NAALADL2: variants seen among roughly 807,000 people sequenced by gnomAD.
The protein encoded by NAALADL2 is N-acetylated alpha-linked acidic dipeptidase like 2, also known as inactive N-acetylated-alpha-linked acidic dipeptidase-like protein 2.
Under a neutral mutation model 87.2 loss-of-function variants are expected in NAALADL2, and 76 were observed. The ratio of observed to expected loss-of-function variants is 0.87; its 90% CI spans 0.72 to 1.05. NAALADL2 has a LOEUF of 1.05. NAALADL2 is among the 50% of genes least tolerant of loss of function. The probability of loss-of-function intolerance (pLI) is 0.00; values close to 1 mark genes in which losing one functional copy is unlikely to be tolerated. For synonymous variants in NAALADL2, 354 were observed against 331.0 expected, an observed-to-expected ratio of 1.07 and a Z score of -0.75; for missense variants, 1,089 against 945.8, an observed-to-expected ratio of 1.15 and a Z score of -1.99.
chr3:174,816,421 T>TAC (rs1720823715), intron 3 of NAALADL2, among the ~76,000 whole-genome samples: 3 of 150,000 alleles, frequency 2.0e-5, no homozygotes, highest in African/African-American at 4.9e-5. Context: ...TGCGTGTGTG[T>TAC]GTGTGTGTGT....
At chr3:175,032,138 T>G (rs1752868762) in intron 1 of NAALADL2, among the ~76,000 whole-genome samples, 1 of 152,030 alleles carries the variant, frequency 6.6e-6, no homozygotes, top group South Asian at 2.1e-4. Flanking sequence ...CTTATCAATT[T>G]TTATTTTTAT....
At chr3:174,647,363 A>G (rs1040137454) in intron 2 of NAALADL2, among the ~76,000 whole-genome samples, 1 of 152,210 alleles carries the variant, frequency 6.6e-6, no homozygotes, top group Admixed American at 6.5e-5. Flanking sequence ...GAATGAATGT[A>G]TATGAGCGAA....
At chr3:174,801,086 G>A (rs758550298) in intron 3 of NAALADL2, among the ~76,000 whole-genome samples, 44 of 152,184 alleles carry the variant, frequency 2.9e-4, no homozygotes, top group Non-Finnish European at 6.2e-4. Context: ...TTGAGTTAAT[G>A]CTGAAATGAG....
chr3:175,141,929 A>G (rs1221400172), intron 2 of NAALADL2, among the ~76,000 whole-genome samples: 1 of 152,124 alleles, frequency 6.6e-6, no homozygotes, highest in Non-Finnish European at 1.5e-5. Flanking sequence ...AGCATCTCTC[A>G]CAGAACATTT....
intron 2 of NAALADL2, among the ~76,000 whole-genome samples, chr3:174,617,654 C>T (rs1303959241): frequency 1.3e-5 from 2 of 151,514 alleles, no homozygotes; most frequent in African/African-American, 4.8e-5. Context: ...CATTTTTCTT[C>T]TATGATAGAT....
chr3:175,611,216 T>C (rs1724603802), intron 10 of NAALADL2, among the ~76,000 whole-genome samples: 1 of 152,116 alleles, frequency 6.6e-6, no homozygotes, highest in African/African-American at 2.4e-5. Context: ...TGTGGTACTT[T>C]GATTAAGGCA....
intron 13 of NAALADL2, among the ~76,000 whole-genome samples, chr3:175,793,325 T>C (rs1285424799): frequency 3.8e-4 from 54 of 142,590 alleles, no homozygotes; most frequent in African/African-American, 7.0e-4. Context: ...TTTTTTTTTT[T>C]CGAGACGGAG....
At chr3:175,398,926 A>G (rs1286596786) in intron 5 of NAALADL2, among the ~76,000 whole-genome samples, 3 of 152,046 alleles carry the variant, frequency 2.0e-5, no homozygotes, top group African/African-American at 7.2e-5. Context: ...AAGCAAAAAC[A>G]AGTTTATTAA....
intron 11 of NAALADL2, among the ~76,000 whole-genome samples, chr3:175,703,732 G>C (rs1475016787): frequency 6.6e-6 from 1 of 152,078 alleles, no homozygotes; most frequent in African/African-American, 2.4e-5. Context: ...GACAGAGCGA[G>C]ACTCCATCTC....
At chr3:174,468,841 C>T (rs949748876) in intron 1 of NAALADL2, among the ~76,000 whole-genome samples, 2 of 150,840 alleles carry the variant, frequency 1.3e-5, no homozygotes, top group Non-Finnish European at 2.9e-5. Context: ...AGGCTCACTG[C>T]AGTCTCCGCC....
intron 2 of NAALADL2, among the ~76,000 whole-genome samples, chr3:175,204,150 A>G (rs1740478990): frequency 6.6e-6 from 1 of 152,188 alleles, no homozygotes; most frequent in African/African-American, 2.4e-5. Context: ...CAAAAAAGAA[A>G]ACTACAGACC....
intron 5 of NAALADL2, among the ~76,000 whole-genome samples, chr3:175,396,547 T>C (rs1769813232): frequency 6.6e-6 from 1 of 152,130 alleles, no homozygotes; most frequent in Admixed American, 6.5e-5. Context: ...GATTTTTTTT[T>C]TCCTTGCATT....
In NAALADL2 at chr3:174,502,431, G is replaced by A. The variant is rs564547346; in HGVS notation, c.-183-48138G>A. On this transcript the variant is annotated intron_variant, in intron 1 of 3. Transcript: ENST00000434257. ...CCTGCAGTACTTCTACTCTTGAAAG[G>A]CATCATTCTCATTTAATAGCTCTGT... Among the ~76,000 whole-genome samples, 6 of 152,118 alleles carry A rather than the reference G, an allele frequency of 3.9e-5. No individual in the cohort carries two copies. In the South Asian group the frequency reaches 1.2e-3, roughly 32 times the overall value.
chr3:174,890,533 G>T (rs1730737432), intron 1 of NAALADL2, among the ~76,000 whole-genome samples: 1 of 152,140 alleles, frequency 6.6e-6, no homozygotes, highest in Non-Finnish European at 1.5e-5. Context: ...AAGAAATACA[G>T]ACAGAACAAT....
At position 174,873,082 on chromosome 3, in the gene NAALADL2, T is replaced by A. The variant is rs542044980; in HGVS notation, c.43+13632T>A. The stretch of plus-strand genomic sequence containing the variant: ...AGTTAAATCCAGTGGTTAAAGAATC[T>A]GTTGAGCATTTCGTGTATGTAATTC... On this transcript the variant is annotated intron_variant, in intron 1 of 13. Coordinates refer to ENST00000454872, the MANE Select transcript of NAALADL2 (RefSeq NM_207015.3). 3.3e-4 allele frequency among the ~76,000 whole-genome samples: 51 copies of A among 152,304 alleles called. No individual in the cohort carries two copies. In the South Asian group the frequency reaches 5.6e-3, roughly 17 times the overall value.
chr3:175,457,874 T>A (rs1315004341), intron 6 of NAALADL2, among the ~76,000 whole-genome samples: 1 of 151,994 alleles, frequency 6.6e-6, no homozygotes, highest in Non-Finnish European at 1.5e-5. Flanking sequence ...TTTTCCTTTT[T>A]TCTATTCATT....
intron 1 of NAALADL2, among the ~76,000 whole-genome samples, chr3:174,990,542 G>A (rs949233227): frequency 4.6e-5 from 7 of 152,006 alleles, no homozygotes; most frequent in Admixed American, 4.6e-4. Flanking sequence ...TTTGAAGGTG[G>A]TTTTAAATAA....
chr3:174,960,103 G>A (rs1385004334), intron 1 of NAALADL2, among the ~76,000 whole-genome samples: 1 of 151,974 alleles, frequency 6.6e-6, no homozygotes, highest in Non-Finnish European at 1.5e-5. Flanking sequence ...TTTTAACAAG[G>A]TCTATTAGAA....
Position 175,803,112 on chromosome 3 carries a change from T to C in NAALADL2, c.2297T>C (p.Leu766Pro). 1.2e-6 allele frequency: 2 copies of C among 1,612,504 alleles called. No individual in the cohort carries two copies. The highest frequency in any genetic ancestry group is 1.7e-6 in the Non-Finnish European group (2 of 1,179,008). The change falls in exon 14 of 14, where the codon CTG (leucine) becomes CCG (proline). Residue 766 changes from leucine to proline, a missense_variant. Transcript: ENST00000454872. ...LASNETLQEALSEVLNSINSA... is the reference protein window; with the variant it reads ...LASNETLQEAPSEVLNSINSA... ...TCAAATGAGACCCTTCAAGAAGCCC[T>C]GTCAGAGGTGTTGAACAGCATTAAT...
Sources: gnomAD v4.1 joint callset for allele counts (sites outside exome capture counted in the v4.1 genomes callset) on GRCh38, gnomAD v4.1.1 for gene constraint, MANE v1.5 for transcripts, NCBI Gene and HGNC (gene_info 2026-07-23, HGNC 2026-07-21) for gene names.